VPS13D: variants seen among roughly 807,000 people sequenced by gnomAD.
VPS13D encodes vacuolar protein sorting 13 homolog D.
A neutral mutation model predicts 461.9 loss-of-function variants in VPS13D; 187 were observed. The ratio of observed to expected loss-of-function variants is 0.40; its 90% CI spans 0.36 to 0.46. The LOEUF is 0.46. VPS13D is among the 20% of genes least tolerant of loss of function. The pLI is 0.60. For synonymous variants in VPS13D, 1,951 were observed against 1,986.3 expected, an observed-to-expected ratio of 0.98 and a Z score of 0.47; for missense variants, 4,711 against 5,364.9, an observed-to-expected ratio of 0.88 and a Z score of 3.81.
chr1:12,311,450 A>T lies in VPS13D; in HGVS notation c.6651-4A>T, dbSNP rs752149110. ...GTGTAAGTGATCTTTTTTCTTTTTC[A>T]TAGAGAAATAAGTCATACTGTGCCA... is the stretch of plus-strand genomic sequence containing the variant. On this transcript the variant is annotated splice_region_variant and splice_polypyrimidine_tract_variant and intron_variant, in intron 27 of 69. Transcript: ENST00000620676. The T allele has an allele frequency of 8.8e-6, 14 of 1,592,296 alleles. No individual in the cohort carries two copies. In the Admixed American group the frequency reaches 1.5e-4, roughly 17 times the overall value.
intron 54 of VPS13D, among the ~76,000 whole-genome samples, chr1:12,372,835 TAGAA>T (rs1644140055): frequency 6.8e-6 from 1 of 147,302 alleles, no homozygotes; most frequent in Non-Finnish European, 1.5e-5. Flanking sequence ...TAAGGGTTAA[TAGAA>T]AGAGGAGAAT....
chr1:12,269,291 G>A (rs902651084), intron 16 of VPS13D, among the ~76,000 whole-genome samples: 1 of 152,166 alleles, frequency 6.6e-6, no homozygotes, highest in Non-Finnish European at 1.5e-5. Flanking sequence ...AGTATGGGGT[G>A]GGGGAGTTCA....
intron 50 of VPS13D, among the ~76,000 whole-genome samples, chr1:12,359,608 G>A (rs1437639978): frequency 6.6e-6 from 1 of 152,192 alleles, no homozygotes; most frequent in Admixed American, 6.5e-5. Flanking sequence ...AAAAACTGAT[G>A]TGATATCATT....
chr1:12,365,279 T>C (rs1644017923), intron 52 of VPS13D, among the ~76,000 whole-genome samples: 4 of 152,244 alleles, frequency 2.6e-5, no homozygotes. Context: ...TGGATTTTTC[T>C]GTTTCTGCAA....
intron 65 of VPS13D, among the ~76,000 whole-genome samples, chr1:12,440,112 G>A (rs1220171675): frequency 2.0e-5 from 3 of 152,190 alleles, no homozygotes; most frequent in Admixed American, 1.3e-4. Context: ...CTACATTGCC[G>A]CCCAAGAACA....
intron 60 of VPS13D, among the ~76,000 whole-genome samples, chr1:12,396,410 G>A (rs781296047): frequency 1.3e-5 from 2 of 152,022 alleles, no homozygotes; most frequent in African/African-American, 4.8e-5. Context: ...TGAAAAAGTC[G>A]ACCTTTACAA....
intron 30 of VPS13D, 107 bp downstream of exon 30, chr1:12,314,434 A>T: frequency 9.6e-7 from 1 of 1,045,994 alleles, no homozygotes; most frequent in Non-Finnish European, 1.4e-6. Flanking sequence ...CACTAGACAG[A>T]TAAATAGATA....
intron 32 of VPS13D, among the ~76,000 whole-genome samples, chr1:12,321,059 C>G (rs762434886): frequency 2.6e-5 from 4 of 152,182 alleles, no homozygotes; most frequent in Non-Finnish European, 5.9e-5. Flanking sequence ...TTCCGCTGTG[C>G]TCTTCCTGAG....
chr1:12,454,547 C>T (rs1235245320), intron 65 of VPS13D, among the ~76,000 whole-genome samples: 1 of 152,226 alleles, frequency 6.6e-6, no homozygotes, highest in Non-Finnish European at 1.5e-5. Context: ...CATGAGTCTT[C>T]CCATAGCTTC....
rs138548939 is a variant in VPS13D at position 12,311,376 on chromosome 1, C to T, written c.6651-78C>T. 57 of 1,386,560 alleles carry T rather than the reference C, an allele frequency of 4.1e-5. No homozygotes were observed. The South Asian group carries it at 8.5e-4, about 21-fold the overall frequency. 85.9% of individuals were successfully genotyped at this position (1,386,560 alleles called of 1,614,324 possible). On this transcript the variant is annotated intron_variant, in intron 27 of 69. Transcript: ENST00000620676. ...ATAATGTAGGTGAGTACATTTTAGC[C>T]CCGTTGTTTGGGCGTGAGCTATGTC...
At chr1:12,383,971 A>C (rs1230174162) in intron 58 of VPS13D, among the ~76,000 whole-genome samples, 2 of 152,234 alleles carry the variant, frequency 1.3e-5, no homozygotes, top group Non-Finnish European at 2.9e-5. Context: ...GGGCCAGATC[A>C]TAAAAAGTCT....
In VPS13D at chr1:12,502,936, C is replaced by G. The variant is rs943163558; in HGVS notation, c.12795-3917C>G. Reference sequence around the variant, plus strand: ...CATCACAGTGGCCCTGCAGAGTAGACCCATGGGGTTCTACACATCAGGATG... The same window carrying G: ...CATCACAGTGGCCCTGCAGAGTAGAGCCATGGGGTTCTACACATCAGGATG... On this transcript the variant is annotated intron_variant, in intron 68 of 69. Transcript: ENST00000620676. This position sits in a 1 kb window ranked among gnomAD's most constrained non-coding sequence, Gnocchi z 4.3. Among the ~76,000 whole-genome samples the G allele has an allele frequency of 2.6e-5, 4 of 152,084 alleles. No homozygotes were observed. The highest frequency in any genetic ancestry group is 4.4e-5 in the Non-Finnish European group (3 of 68,026).
chr1:12,428,223 C>A (rs1644946336), intron 65 of VPS13D, among the ~76,000 whole-genome samples: 1 of 152,158 alleles, frequency 6.6e-6, no homozygotes, highest in Non-Finnish European at 1.5e-5. Flanking sequence ...GATGGCATGT[C>A]CTGCCTGACT....
chr1:12,276,275 A>G lies in VPS13D; in HGVS notation c.2687A>G (p.Asn896Ser), dbSNP rs751893034. ...GAAGATAAAATATCTGCACTAAAGA[A>G]TTGCTTTGCTCTCCTCACCACCCCA... is the stretch of plus-strand genomic sequence containing the variant. ...INEDKISALK[N>S]CFALLTTPEM... is the part of the protein sequence containing the mutation. Residue 896 changes from asparagine to serine, a missense_variant, in exon 19 of 70, where the codon AAT (asparagine) becomes AGT (serine). Asn to Ser is a conservative substitution (Grantham distance 46). Transcript: ENST00000620676. The surrounding 1 kb of genome is among the most constrained non-coding windows in gnomAD (Gnocchi z 4.5). 6.2e-7 allele frequency: 1 copy of G among 1,614,074 alleles called. No homozygotes were observed. The highest frequency in any genetic ancestry group is 2.2e-5 in the East Asian group (1 of 44,886).
At chr1:12,281,062 T>A (rs1479670629) in intron 20 of VPS13D, among the ~76,000 whole-genome samples, 2 of 150,704 alleles carry the variant, frequency 1.3e-5, no homozygotes, top group Non-Finnish European at 3.0e-5. Context: ...TTGTTTTATC[T>A]ATTTTTTTTT....
intron 67 of VPS13D, 148 bp from the exon 68 acceptor site, chr1:12,497,352 G>A: frequency 1.2e-6 from 1 of 840,626 alleles, no homozygotes; most frequent in Non-Finnish European, 1.7e-6. Flanking sequence ...ATTTCATGGT[G>A]TATTCACAGG....
intron 67 of VPS13D, among the ~76,000 whole-genome samples, chr1:12,491,527 G>A (rs1490727391): frequency 6.6e-6 from 1 of 152,168 alleles, no homozygotes; most frequent in East Asian, 1.9e-4. Flanking sequence ...ATCTCCCTGT[G>A]TCACCTTGTT....
chr1:12,455,775 C>T (rs969356205), intron 65 of VPS13D, among the ~76,000 whole-genome samples: 1 of 151,968 alleles, frequency 6.6e-6, no homozygotes, highest in Non-Finnish European at 1.5e-5. Flanking sequence ...AAAAATTAGC[C>T]AGGTGTGGTG....
chr1:12,463,597 A>AG (rs113696841), intron 67 of VPS13D, among the ~76,000 whole-genome samples: 1 of 151,984 alleles, frequency 6.6e-6, no homozygotes, highest in African/African-American at 2.4e-5. Flanking sequence ...AAAAAAAAAA[A>AG]CAAACCTGGA....
Sources: allele counts gnomAD v4.1 joint callset (sites outside exome capture counted in the v4.1 genomes callset), GRCh38; gene constraint gnomAD v4.1.1; non-coding constraint Gnocchi (gnomAD v3.1); transcripts MANE v1.5; gene names NCBI Gene and HGNC (gene_info 2026-07-23, HGNC 2026-07-21).